The following TBC1D30 variants were observed in gnomAD, a reference collection of about 807,000 sequenced individuals.
TBC1D30 encodes TBC1 domain family member 30.
TBC1D30 carries 31 observed loss-of-function variants against 63.2 expected under a neutral mutation model. That is an observed-to-expected ratio of 0.49 (90% CI 0.37 to 0.66). The LOEUF (loss-of-function observed/expected upper bound fraction) is 0.66. Ranked by LOEUF, TBC1D30 falls within the 30% of genes least tolerant of loss-of-function variation. The pLI is 0.00. For missense variants in TBC1D30, 810 were observed against 953.6 expected, an observed-to-expected ratio of 0.85 and a Z score of 1.98; for synonymous variants, 307 against 361.5, an observed-to-expected ratio of 0.85 and a Z score of 1.71.
upstream of TBC1D30, among the ~76,000 whole-genome samples, chr12:64,823,116 T>C (rs1354148019): frequency 6.6e-6 from 1 of 152,190 alleles, no homozygotes; most frequent in Non-Finnish European, 1.5e-5. Flanking sequence ...GAAAACTTAA[T>C]TACTTTGGTT....
chr12:64,767,315 ATC>A (rs1463231085), intron 1 of TBC1D30, among the ~76,000 whole-genome samples: 3 of 152,128 alleles, frequency 2.0e-5, no homozygotes, highest in African/African-American at 7.2e-5. Context: ...GATATCCCAT[ATC>A]TCCATTTAAG....
upstream of TBC1D30, among the ~76,000 whole-genome samples, chr12:64,779,570 A>G (rs927359531): frequency 2.6e-5 from 4 of 152,130 alleles, no homozygotes; most frequent in African/African-American, 7.2e-5. Context: ...GTCAGGCTCT[A>G]TTATGAAAGT....
chr12:64,826,557 G>C (rs1363210659), intron 1 of TBC1D30, among the ~76,000 whole-genome samples: 1 of 152,124 alleles, frequency 6.6e-6, no homozygotes, highest in Non-Finnish European at 1.5e-5. Context: ...GCCTTAAAGC[G>C]TGCGCTGGGC....
rs34100626 is a variant in TBC1D30 at position 64,775,048 on chromosome 12, G to A, written c.-375-10833G>A. 9.5e-3 allele frequency among the ~76,000 whole-genome samples: 1,444 copies of A among 151,496 alleles called. 15 individuals carry two copies. The highest frequency in any genetic ancestry group is 0.026 in the South Asian group (126 of 4,798). Reference sequence around the variant, plus strand: ...GCAGAGGTTGCAGTGAGCCGAGATTGCACCACTGCATTCCAGCCTGGGTGA... The same window carrying A: ...GCAGAGGTTGCAGTGAGCCGAGATTACACCACTGCATTCCAGCCTGGGTGA... On this transcript the variant is annotated intron_variant, in intron 1 of 13. Transcript: ENST00000674237.
chr12:64,878,829 C>T lies in TBC1D30; in HGVS notation c.*3041C>T, dbSNP rs186651379. 2.2e-5 allele frequency: 5 copies of T among 229,060 alleles called. No homozygotes were observed. Among genetic ancestry groups the T allele is most frequent in the African/African-American group, 1.1e-4 (5 of 44,884 alleles). The allele number at this position is 229,060 out of a possible 1,614,324, so 14.2% of individuals were successfully genotyped here. A position where few individuals can be genotyped will look rare whatever the true frequency, so the allele number is the denominator to read the frequency against. On this transcript the variant is annotated 3_prime_UTR_variant, in exon 12 of 12. Coordinates refer to ENST00000539867, the MANE Select transcript of TBC1D30 (RefSeq NM_015279.2). ...CTGTGACCTGCCCAGCATTTGCAGA[C>T]TCGCTGGTTCCTGAATATGAGTAAG...
At chr12:64,870,525 T>C in intron 10 of TBC1D30, 77 bp from the exon 11 acceptor site, 1 of 1,170,256 alleles carries the variant, frequency 8.5e-7, no homozygotes, top group Non-Finnish European at 1.2e-6. Flanking sequence ...CCGCACTGAG[T>C]TGTAGTGTTA....
At chr12:64,864,146 TC>T (rs1348705805) in intron 8 of TBC1D30, among the ~76,000 whole-genome samples, 1 of 152,074 alleles carries the variant, frequency 6.6e-6, no homozygotes, top group Non-Finnish European at 1.5e-5. Flanking sequence ...CTAACAATTT[TC>T]ACCTAGAACT....
chr12:64,787,249 A>T, intron 2 of TBC1D30: 2 of 322,568 alleles, frequency 6.2e-6, no homozygotes, highest in Non-Finnish European at 8.9e-6. Flanking sequence ...CACATTAAAT[A>T]CTAGGTATAA....
At chr12:64,804,117 T>C (rs999392578) in intron 2 of TBC1D30, among the ~76,000 whole-genome samples, 3 of 152,236 alleles carry the variant, frequency 2.0e-5, no homozygotes, top group East Asian at 3.8e-4. Flanking sequence ...ATTCTTCCTA[T>C]CCATGAGCAT....
chr12:64,778,285 A>G (rs1185861966), upstream of TBC1D30, among the ~76,000 whole-genome samples: 1 of 152,188 alleles, frequency 6.6e-6, no homozygotes, highest in African/African-American at 2.4e-5. Context: ...ACAAATATTT[A>G]TTGAGCAGTT....
upstream of TBC1D30, among the ~76,000 whole-genome samples, chr12:64,780,288 C>T (rs1263613054): frequency 6.6e-6 from 1 of 152,168 alleles, no homozygotes; most frequent in Admixed American, 6.5e-5. Context: ...GTGAGAAGGG[C>T]TGGTATTGTG....
At chr12:64,855,286 G>T (rs1255039972) in intron 8 of TBC1D30, among the ~76,000 whole-genome samples, 1 of 151,746 alleles carries the variant, frequency 6.6e-6, no homozygotes, top group Non-Finnish European at 1.5e-5. Flanking sequence ...GAGTTTGATT[G>T]TAAAACGCCT....
Position 64,878,558 on chromosome 12 carries a change from CTTTG to C in TBC1D30, c.*2776_*2779del, listed in dbSNP as rs1182067375. ...TGCAGCTGTTTGGGACATTGTATTC[CTTTG>C]TTTGTCTCTTGTTGTTCTGAAGGAT... is the stretch of plus-strand genomic sequence containing the variant. On this transcript the variant is annotated 3_prime_UTR_variant, in exon 12 of 12. Transcript: ENST00000539867. The C allele has an allele frequency of 6.6e-6, 3 of 456,614 alleles. No individual in the cohort carries two copies. The Middle Eastern group carries it at 9.8e-4, about 148-fold the overall frequency. 28.3% of individuals were successfully genotyped at this position (456,614 alleles called of 1,614,324 possible). A position where few individuals can be genotyped will look rare whatever the true frequency, so the allele number is the denominator to read the frequency against.
intron 11 of TBC1D30, among the ~76,000 whole-genome samples, chr12:64,872,594 T>C (rs1878740975): frequency 6.6e-6 from 1 of 152,152 alleles, no homozygotes; most frequent in Non-Finnish European, 1.5e-5. Flanking sequence ...TCTGTTTCAG[T>C]AGGTTTGGAA....
chr12:64,765,222 G>A (rs937574046), intron 1 of TBC1D30, among the ~76,000 whole-genome samples: 1 of 152,082 alleles, frequency 6.6e-6, no homozygotes. Context: ...GCCGGGCATC[G>A]TGGCTCACGC....
chr12:64,865,831 G>A (rs1211721143), intron 9 of TBC1D30, among the ~76,000 whole-genome samples: 1 of 152,178 alleles, frequency 6.6e-6, no homozygotes, highest in Admixed American at 6.5e-5. Context: ...TATACCATTA[G>A]CAGCCTGGCT....
chr12:64,783,948 G>T (rs370666754), intron 1 of TBC1D30, among the ~76,000 whole-genome samples: 2 of 148,602 alleles, frequency 1.3e-5, no homozygotes, highest in African/African-American at 5.0e-5. Flanking sequence ...GTGAGCCACC[G>T]TGCCCAGCCC....
chr12:64,781,745 C>G (rs1339717479), intron 1 of TBC1D30, among the ~76,000 whole-genome samples: 1 of 151,592 alleles, frequency 6.6e-6, no homozygotes, highest in Non-Finnish European at 1.5e-5. Flanking sequence ...GGTCACACCA[C>G]TTAGTGTTTA....
chr12:64,837,510 G>A (rs914468766), intron 6 of TBC1D30, among the ~76,000 whole-genome samples: 17 of 151,750 alleles, frequency 1.1e-4, no homozygotes, highest in African/African-American at 3.9e-4. Context: ...CACGTGCACC[G>A]TTCACAATAG....
Sources: allele counts gnomAD v4.1 joint callset (sites outside exome capture counted in the v4.1 genomes callset), GRCh38; gene constraint gnomAD v4.1.1; transcripts MANE v1.5; gene names NCBI Gene and HGNC (gene_info 2026-07-23, HGNC 2026-07-21).